VPS13B: variants seen among roughly 807,000 people sequenced by gnomAD.
The protein encoded by VPS13B is vacuolar protein sorting 13 homolog B, also known as intermembrane lipid transfer protein VPS13B.
In VPS13B, 285 loss-of-function variants were observed where a neutral mutation model predicts 426.4. The ratio of observed to expected loss-of-function variants is 0.67; its 90% CI spans 0.61 to 0.74. The LOEUF is 0.74. Ranked by LOEUF, VPS13B falls within the 30% of genes least tolerant of loss-of-function variation. The probability of loss-of-function intolerance (pLI) is 0.00; values close to 1 mark genes in which losing one functional copy is unlikely to be tolerated. For synonymous variants in VPS13B, 1,676 were observed against 1,676.4 expected, an observed-to-expected ratio of 1.00 and a Z score of 0.01; for missense variants, 4,537 against 4,782.6, an observed-to-expected ratio of 0.95 and a Z score of 1.51.
At chr8:99,551,353 A>G (rs1824273314) in intron 30 of VPS13B, among the ~76,000 whole-genome samples, 1 of 152,016 alleles carries the variant, frequency 6.6e-6, no homozygotes, top group Non-Finnish European at 1.5e-5. Flanking sequence ...ATTTTTGCAT[A>G]TGTTGACTCT....
At chr8:99,272,731 A>G (rs889113614) in intron 17 of VPS13B, among the ~76,000 whole-genome samples, 3 of 152,244 alleles carry the variant, frequency 2.0e-5, no homozygotes, top group Non-Finnish European at 2.9e-5. Context: ...TACATAATAA[A>G]GATGTTAATA....
rs370702042 is a variant in VPS13B, at chr8:99,746,518, G to A, written c.7051-20256G>A. 7.9e-5 allele frequency among the ~76,000 whole-genome samples: 12 copies of A among 152,238 alleles called. 1 individual carries two copies. Among genetic ancestry groups the A allele is most frequent in the South Asian group, 4.1e-4 (2 of 4,828 alleles). Reference sequence around the variant, plus strand: ...TGCCGTTATTGAGCAAGTTCTGTGCGCCAGAAATTCTGCTTAACAGTTTAC... The same window carrying A: ...TGCCGTTATTGAGCAAGTTCTGTGCACCAGAAATTCTGCTTAACAGTTTAC... On this transcript the variant is annotated intron_variant, in intron 39 of 61. Transcript: ENST00000357162.
At chr8:99,525,192 G>A (rs925034632) in intron 30 of VPS13B, among the ~76,000 whole-genome samples, 3 of 152,076 alleles carry the variant, frequency 2.0e-5, no homozygotes, top group African/African-American at 4.8e-5. Context: ...TGAGTAGAGA[G>A]ACTAAAAGAT....
intron 21 of VPS13B, among the ~76,000 whole-genome samples, chr8:99,411,796 A>C (rs1454920232): frequency 6.6e-6 from 1 of 152,170 alleles, no homozygotes; most frequent in African/African-American, 2.4e-5. Context: ...CAGTTTTCCC[A>C]ACACTGTTTA....
At chr8:99,643,581 G>T (rs894208965) in intron 34 of VPS13B, among the ~76,000 whole-genome samples, 1 of 152,208 alleles carries the variant, frequency 6.6e-6, no homozygotes, top group African/African-American at 2.4e-5. Flanking sequence ...GTAACCTAGG[G>T]TTACCCCCAG....
At chr8:99,201,933 T>C (rs1814355493) in intron 17 of VPS13B, among the ~76,000 whole-genome samples, 1 of 152,218 alleles carries the variant, frequency 6.6e-6, no homozygotes, top group Non-Finnish European at 1.5e-5. Context: ...AATTTTCTCA[T>C]CTATAAAATA....
At chr8:99,063,307 C>G (rs1029790827) in intron 3 of VPS13B, among the ~76,000 whole-genome samples, 1 of 152,360 alleles carries the variant, frequency 6.6e-6, no homozygotes, top group African/African-American at 2.4e-5. Context: ...GGGGATTTCC[C>G]TTTCCTAGAC....
chr8:99,328,321 G>C (rs1810386680), intron 19 of VPS13B, among the ~76,000 whole-genome samples: 2 of 152,172 alleles, frequency 1.3e-5, no homozygotes, highest in South Asian at 4.1e-4. Flanking sequence ...CAGGAGTGCT[G>C]ATAGAAAGGA....
chr8:99,240,237 C>T (rs1816849893), intron 17 of VPS13B, among the ~76,000 whole-genome samples: 1 of 152,024 alleles, frequency 6.6e-6, no homozygotes, highest in African/African-American at 2.4e-5. Flanking sequence ...AAATACTTAC[C>T]CGGTATTTTA....
intron 35 of VPS13B, among the ~76,000 whole-genome samples, chr8:99,679,413 A>G (rs1831065861): frequency 6.6e-6 from 1 of 152,194 alleles, no homozygotes; most frequent in Non-Finnish European, 1.5e-5. Context: ...TTTACTTTAG[A>G]AATTGGTGCA....
At chr8:99,850,382 T>G (rs576360550) in intron 55 of VPS13B, among the ~76,000 whole-genome samples, 70 of 149,598 alleles carry the variant, frequency 4.7e-4, no homozygotes, top group Non-Finnish European at 8.0e-4. Context: ...TACTTATACA[T>G]ACATACATAA....
chr8:99,146,194 T>C (rs914718985), intron 13 of VPS13B, among the ~76,000 whole-genome samples: 1 of 152,236 alleles, frequency 6.6e-6, no homozygotes, highest in Non-Finnish European at 1.5e-5. Flanking sequence ...TATACTCAAG[T>C]ATGTCATCAT....
chr8:99,140,984 G>A (rs1251867448), intron 12 of VPS13B, among the ~76,000 whole-genome samples: 2 of 151,950 alleles, frequency 1.3e-5, no homozygotes, highest in African/African-American at 4.8e-5. Flanking sequence ...TCTGTTTAAG[G>A]GGGTTATTAC....
intron 3 of VPS13B, among the ~76,000 whole-genome samples, chr8:99,065,310 C>T (rs1185813359): frequency 6.6e-6 from 1 of 152,156 alleles, no homozygotes. Context: ...AAAGCTTATC[C>T]ACCACGATCA....
intron 36 of VPS13B, among the ~76,000 whole-genome samples, chr8:99,703,280 C>A (rs1832359233): frequency 6.6e-6 from 1 of 152,038 alleles, no homozygotes; most frequent in African/African-American, 2.4e-5. Flanking sequence ...CTATGTTATT[C>A]TTTAACCCTA....
intron 19 of VPS13B, among the ~76,000 whole-genome samples, chr8:99,368,848 G>C (rs1232474888): frequency 6.6e-6 from 1 of 152,152 alleles, no homozygotes; most frequent in Non-Finnish European, 1.5e-5. Context: ...TAACTCCCTA[G>C]AATGGGCATT....
At chr8:99,431,778 C>G in intron 22 of VPS13B, 114 bp downstream of exon 22, 1 of 1,114,376 alleles carries the variant, frequency 9.0e-7, no homozygotes, top group South Asian at 1.6e-5. Context: ...TATACCATCT[C>G]ATTTTCTTAA....
chr8:99,052,109 A>G (rs1210095445), intron 3 of VPS13B, among the ~76,000 whole-genome samples: 6 of 146,874 alleles, frequency 4.1e-5, no homozygotes, highest in African/African-American at 1.5e-4. Flanking sequence ...GTCTTGTGCC[A>G]GTTTTCAAAG....
intron 20 of VPS13B, chr8:99,389,526 T>C (rs1177544296): frequency 2.0e-5 from 3 of 152,166 alleles, no homozygotes; most frequent in Non-Finnish European, 4.4e-5. Flanking sequence ...TTTATATATG[T>C]GCTATATATG....
Sources: allele counts gnomAD v4.1 joint callset (sites outside exome capture counted in the v4.1 genomes callset), GRCh38; gene constraint gnomAD v4.1.1; transcripts MANE v1.5; gene names NCBI Gene and HGNC (gene_info 2026-07-23, HGNC 2026-07-21).